TRPM7: variants seen among roughly 807,000 people sequenced by gnomAD.
TRPM7 encodes the protein LTRPC ion channel family member 7.
A neutral mutation model predicts 229.7 loss-of-function variants in TRPM7; 134 were observed. That is an observed-to-expected ratio of 0.58 (90% confidence interval 0.51 to 0.67). The LOEUF is 0.67. Ranked by LOEUF, TRPM7 falls within the 30% of genes least tolerant of loss-of-function variation. The pLI, the probability that TRPM7 is intolerant of heterozygous loss-of-function variation, is 0.00. For missense variants in TRPM7, 1,901 were observed against 2,210.0 expected (o/e 0.86, Z 2.80); for synonymous variants, 699 against 715.2 (o/e 0.98, Z 0.36).
intron 22 of TRPM7, among the ~76,000 whole-genome samples, chr15:50,596,665 C>T (rs1450957140): frequency 1.3e-5 from 2 of 152,140 alleles, no homozygotes; most frequent in Non-Finnish European, 2.9e-5. Context: ...ATTTACCCTT[C>T]GAGGCAGGGT....
intron 2 of TRPM7, 89 bp from the exon 3 acceptor site, chr15:50,657,908 A>G (rs1281159039): frequency 1.0e-6 from 1 of 976,362 alleles, no homozygotes; most frequent in African/African-American, 1.7e-5. Flanking sequence ...ACAAAACAAA[A>G]AAAATTATAT....
intron 27 of TRPM7, among the ~76,000 whole-genome samples, chr15:50,589,234 A>C (rs1236254491): frequency 4.0e-5 from 6 of 150,780 alleles, no homozygotes; most frequent in Non-Finnish European, 7.4e-5. Context: ...AGGCAGGAGA[A>C]TCACTTGAAC....
At chr15:50,663,877 C>T (rs555841798) in intron 1 of TRPM7, among the ~76,000 whole-genome samples, 13 of 152,182 alleles carry the variant, frequency 8.5e-5, no homozygotes, top group African/African-American at 2.6e-4. Flanking sequence ...GCAGGAGGAT[C>T]GCCTAAGCCG....
Position 50,612,664 on chromosome 15 carries a change from C to A in TRPM7, c.1936G>T (p.Glu646Ter). Residue 646 changes from glutamate (E) to a stop codon, truncating the protein, a stop_gained, in exon 16 of 39, where the codon GAA becomes TAA. Coordinates refer to ENST00000646667, the MANE Select transcript of TRPM7 (RefSeq NM_017672.6). LOFTEE classifies it high-confidence loss of function. ...ACTAATGCTTTAGCCATTGATTCTT[C>A]ACCATGTTGCCATAAAAAACGGGCC... Reference protein sequence around the residue: ...VMARFLWQHGEESMAKALVAC... With the variant: ...VMARFLWQHG 1 of 1,614,158 alleles carries A rather than the reference C, an allele frequency of 6.2e-7. No individual in the cohort carries two copies. The highest frequency in any genetic ancestry group is 8.5e-7 in the Non-Finnish European group (1 of 1,180,018).
chr15:50,609,609 G>C lies in TRPM7; in HGVS notation c.2552C>G (p.Ala851Gly). The C allele has an allele frequency of 6.2e-7, 1 of 1,608,642 alleles. No homozygotes were observed. Among genetic ancestry groups the C allele is most frequent in the Non-Finnish European group, 8.5e-7 (1 of 1,178,384 alleles). ...GTTAAACCAGAATTTTACAATTGGTGCATGATAAAAGGCATAAAACTTTCG... is the reference window on the plus strand; with the variant it reads ...GTTAAACCAGAATTTTACAATTGGTCCATGATAAAAGGCATAAAACTTTCG... ...ITRKFYAFYH[A>G]PIVKFWFNTL... Residue 851 changes from alanine (A) to glycine (G), a missense_variant, in exon 19 of 39, where the codon GCA becomes GGA. Around this residue, in one of 8 missense-constraint regions of TRPM7, gnomAD observed 207 missense variants for 241.5 expected, o/e 0.86. Coordinates refer to ENST00000646667, the MANE Select transcript of TRPM7 (RefSeq NM_017672.6).
chr15:50,655,315 C>T (rs929170251), intron 3 of TRPM7, among the ~76,000 whole-genome samples: 1 of 151,468 alleles, frequency 6.6e-6, no homozygotes, highest in Non-Finnish European at 1.5e-5. Context: ...CGTCTGTAAT[C>T]CCAGCTACTC....
intron 1 of TRPM7, among the ~76,000 whole-genome samples, chr15:50,666,344 G>A (rs1055319619): frequency 1.3e-5 from 2 of 152,080 alleles, no homozygotes; most frequent in African/African-American, 4.8e-5. Context: ...GGAGGCTGAA[G>A]CCAGAGGATC....
intron 25 of TRPM7, among the ~76,000 whole-genome samples, chr15:50,593,329 A>G (rs148379390): frequency 1.2e-3 from 178 of 152,032 alleles, no homozygotes; most frequent in African/African-American, 4.0e-3. Flanking sequence ...TAATGATGAT[A>G]ATAAAAAATG....
chr15:50,599,007 G>A (rs2059705375), intron 22 of TRPM7, 115 bp downstream of exon 22: 3 of 737,564 alleles, frequency 4.1e-6, no homozygotes, highest in Non-Finnish European at 6.5e-6. Context: ...CCTTTGTGTG[G>A]GGCTTAGGTT....
rs556511366 is a variant in TRPM7, at chr15:50,637,074, C to T, written c.832+348G>A. ...CCAGGAGGCAGGGCTTGCAGTGAGC[C>T]GAGATCATGCCACTGCACTCCAGCC... On this transcript the variant is annotated intron_variant, in intron 7 of 38. Coordinates refer to ENST00000646667, the MANE Select transcript of TRPM7 (RefSeq NM_017672.6). Among the ~76,000 whole-genome samples the T allele has an allele frequency of 2.0e-3, 308 of 150,724 alleles. 12 individuals are homozygous for T. The South Asian group carries it at 0.061, about 30-fold the overall frequency.
intron 7 of TRPM7, among the ~76,000 whole-genome samples, chr15:50,634,804 A>T (rs900933856): frequency 1.3e-5 from 2 of 152,212 alleles, no homozygotes; most frequent in Non-Finnish European, 2.9e-5. Context: ...TAAATGACAA[A>T]ATTAGAAAAT....
chr15:50,679,521 T>C (rs1430375163), intron 1 of TRPM7, among the ~76,000 whole-genome samples: 3 of 22,224 alleles, frequency 1.3e-4, no homozygotes, highest in East Asian at 3.7e-3. Flanking sequence ...AATATATATA[T>C]ATATATATAT....
intron 1 of TRPM7, among the ~76,000 whole-genome samples, chr15:50,679,511 A>AATATATAT (rs138501624): frequency 2.5e-4 from 19 of 75,426 alleles, no homozygotes; most frequent in African/African-American, 1.2e-3. Context: ...GTATATATAT[A>AATATATAT]ATATATATAT....
intron 7 of TRPM7, among the ~76,000 whole-genome samples, chr15:50,636,958 T>G (rs1181649988): frequency 2.6e-5 from 4 of 151,956 alleles, no homozygotes; most frequent in African/African-American, 9.7e-5. Flanking sequence ...TGAAACCCTG[T>G]CTCTACTAAA....
intron 13 of TRPM7, among the ~76,000 whole-genome samples, chr15:50,615,070 C>T (rs2140499106): frequency 6.8e-6 from 1 of 146,086 alleles, no homozygotes; most frequent in Middle Eastern, 3.8e-3. Context: ...ACTTGGGAGG[C>T]TGAGGTAGGA....
rs186699186 is a variant in TRPM7, at chr15:50,571,777, T to C, written c.5309-1622A>G. Among the ~76,000 whole-genome samples, 17 of 152,342 alleles carry C rather than the reference T, an allele frequency of 1.1e-4. No homozygotes were observed. In the East Asian group the frequency reaches 2.1e-3, roughly 19 times the overall value. On this transcript the variant is annotated intron_variant, in intron 36 of 38. Coordinates refer to ENST00000646667, the MANE Select transcript of TRPM7 (RefSeq NM_017672.6). The stretch of plus-strand genomic sequence containing the variant: ...CATCTAAGATATTCCTATGTAAAAA[T>C]TGTTCAATAAACATTATGTTGAGAT...
Position 50,656,173 on chromosome 15 carries a change from TAAAAG to T in TRPM7, c.122+1603_122+1607del, listed in dbSNP as rs2061563729. Among the ~76,000 whole-genome samples, 8 of 152,192 alleles carry T rather than the reference TAAAAG, an allele frequency of 5.3e-5. No homozygotes were observed. In the South Asian group the frequency reaches 1.7e-3, roughly 32 times the overall value. On this transcript the variant is annotated intron_variant, in intron 3 of 38. Transcript: ENST00000646667. ...TAGCTGCACTATATGAAATGCTAAA[TAAAAG>T]AAACTCTTTGGCATCGTCAAACAAG...
intron 27 of TRPM7, among the ~76,000 whole-genome samples, chr15:50,588,557 G>T (rs2059401978): frequency 6.6e-6 from 1 of 152,154 alleles, no homozygotes; most frequent in South Asian, 2.1e-4. Context: ...CACATAAAAA[G>T]TAATCATTCA....
In TRPM7 at chr15:50,559,586, CTTA is replaced by C. The variant is rs778380499; in HGVS notation, c.*2089_*2091del. ...CTGGGTTCAAATCCTACCGTTGCTA[CTTA>C]TTATTAAATAAACGTAAGAATCTTA... On this transcript the variant is annotated 3_prime_UTR_variant, in exon 39 of 39. Coordinates refer to ENST00000646667, the MANE Select transcript of TRPM7 (RefSeq NM_017672.6). 2 of 152,126 alleles carry C rather than the reference CTTA, an allele frequency of 1.3e-5. No homozygotes were observed. The highest frequency in any genetic ancestry group is 2.1e-4 in the South Asian group (1 of 4,822). The allele number at this position is 152,126 out of a possible 1,614,324, so 9.4% of individuals were successfully genotyped here. A position where few individuals can be genotyped will look rare whatever the true frequency, so the allele number is the denominator to read the frequency against.
Sources: gnomAD v4.1 joint callset for allele counts (sites outside exome capture counted in the v4.1 genomes callset) on GRCh38, gnomAD v4.1.1 for gene constraint, gnomAD v4.1.1 regional missense constraint, MANE v1.5 for transcripts, NCBI Gene and HGNC (gene_info 2026-07-23, HGNC 2026-07-21) for gene names.